Variants in LIN54 observed in about 807,000 individuals in gnomAD.
LIN54 encodes the protein lin-54 DREAM MuvB core complex component, also known as protein lin-54 homolog.
LIN54 carries 9 observed loss-of-function variants against 78.7 expected under a neutral mutation model. That is an observed-to-expected ratio of 0.11 (90% CI 0.07 to 0.20). The LOEUF (loss-of-function observed/expected upper bound fraction) is 0.20. Among genes scored for constraint, LIN54 ranks in the 10% least tolerant of loss-of-function variants. LIN54 has a pLI of 1.00. For synonymous variants in LIN54, 269 were observed against 318.4 expected, an observed-to-expected ratio of 0.84 and a Z score of 1.65; for missense variants, 573 against 889.9, an observed-to-expected ratio of 0.64 and a Z score of 4.53.
intron 4 of LIN54, among the ~76,000 whole-genome samples, chr4:82,949,140 C>T (rs2126047961): frequency 6.6e-6 from 1 of 152,256 alleles, no homozygotes. Flanking sequence ...AATCAATATA[C>T]AAGGGTTCCG....
rs148969699 is a variant in LIN54 at position 82,988,067 on chromosome 4, G to A, written c.-32-3191C>T. On this transcript the variant is annotated intron_variant, in intron 1 of 12. Transcript: ENST00000340417. ...ATTGTTTCCTGACTTTTTAATAATC[G>A]CCACTCTGACTGGCATGAGATGGTA... is the stretch of plus-strand genomic sequence containing the variant. 7.4e-3 allele frequency among the ~76,000 whole-genome samples: 1,123 copies of A among 151,986 alleles called. 14 individuals are homozygous for A. Among genetic ancestry groups the A allele is most frequent in the African/African-American group, 0.026 (1,066 of 41,428 alleles).
At chr4:82,992,589 G>A (rs1232978008) in intron 1 of LIN54, among the ~76,000 whole-genome samples, 1 of 152,176 alleles carries the variant, frequency 6.6e-6, no homozygotes, top group Non-Finnish European at 1.5e-5. Flanking sequence ...CTTGGAGGCT[G>A]TAGCAAGCAA....
At chr4:82,985,375 C>T (rs1297832339) in intron 1 of LIN54, among the ~76,000 whole-genome samples, 1 of 152,182 alleles carries the variant, frequency 6.6e-6, no homozygotes, top group Non-Finnish European at 1.5e-5. Context: ...TTTAAAAATC[C>T]ATTAAATACC....
chr4:82,976,453 T>C (rs1726168955), intron 3 of LIN54, among the ~76,000 whole-genome samples: 1 of 151,588 alleles, frequency 6.6e-6, no homozygotes, highest in Non-Finnish European at 1.5e-5. Flanking sequence ...CTCATGCCTG[T>C]AGTCCCAGCA....
intron 4 of LIN54, among the ~76,000 whole-genome samples, chr4:82,950,392 G>A (rs1171137623): frequency 6.6e-6 from 1 of 152,136 alleles, no homozygotes; most frequent in East Asian, 1.9e-4. Context: ...AAAAAACTAA[G>A]TAACATATAA....
intron 4 of LIN54, among the ~76,000 whole-genome samples, chr4:82,953,357 T>A (rs1724002044): frequency 6.6e-6 from 1 of 152,168 alleles, no homozygotes; most frequent in African/African-American, 2.4e-5. Context: ...GTTCTGGAGA[T>A]GGATGGTTGT....
At chr4:82,955,396 T>TAACATAACATAACAC (rs1553950460) in intron 4 of LIN54, among the ~76,000 whole-genome samples, 44 of 151,142 alleles carry the variant, frequency 2.9e-4, no homozygotes, top group African/African-American at 8.3e-4. Context: ...TAACATAACA[T>TAACATAACATAACAC]AACATAACAT....
At chr4:82,944,227 T>C (rs1723173342) in intron 5 of LIN54, among the ~76,000 whole-genome samples, 1 of 152,196 alleles carries the variant, frequency 6.6e-6, no homozygotes. Context: ...ATCTTCCTTA[T>C]ACTAAAGGCA....
Position 82,939,928 on chromosome 4 carries a change from C to A in LIN54, c.1203G>T (p.Arg401=), listed in dbSNP as rs775262002. Residue 401 remains arginine (R), a synonymous_variant, in exon 6 of 13, where the codon CGG becomes CGT. Coordinates refer to ENST00000340417, the MANE Select transcript of LIN54 (RefSeq NM_194282.4). ...GAGCTGAGACAATTGGAACTGACAT[C>A]CGCACTGGGGTTGTATTAACAACCA... ...KPVVVNTTPV[R]MSVPIVSAQA... is the part of the protein sequence containing the mutation. 3 of 1,611,864 alleles carry A rather than the reference C, an allele frequency of 1.9e-6. No homozygotes were observed. Among genetic ancestry groups the A allele is most frequent in the Non-Finnish European group, 2.5e-6 (3 of 1,179,430 alleles).
chr4:82,967,413 T>G (rs1398132397), intron 4 of LIN54, among the ~76,000 whole-genome samples: 1 of 152,114 alleles, frequency 6.6e-6, no homozygotes, highest in Non-Finnish European at 1.5e-5. Flanking sequence ...AGAAGATGGC[T>G]GCAGCTGTCA....
chr4:83,010,553 C>G lies in LIN54; in HGVS notation c.-102G>C. 2 of 1,210,642 alleles carry G rather than the reference C, an allele frequency of 1.7e-6. No individual in the cohort carries two copies. The highest frequency in any genetic ancestry group is 2.1e-6 in the Non-Finnish European group (2 of 974,858). 75.0% of individuals were successfully genotyped at this position (1,210,642 alleles called of 1,614,324 possible). ...GGCTCCAGAAGGTCCTGGGCAATCC[C>G]GAGCCCCGGCGGGGCTTGTTTTGCC... On this transcript the variant is annotated 5_prime_UTR_variant, in exon 1 of 13. Transcript: ENST00000340417.
chr4:83,000,827 C>CTTTCTTTCTTTTTT (rs1728694714), intron 1 of LIN54, among the ~76,000 whole-genome samples: 1 of 120,540 alleles, frequency 8.3e-6, no homozygotes, highest in Non-Finnish European at 1.6e-5. Flanking sequence ...GCAATAAATT[C>CTTTCTTTCTTTTTT]TTTTTTTTTT....
intron 3 of LIN54, among the ~76,000 whole-genome samples, chr4:82,978,420 T>G (rs557758065): frequency 6.6e-6 from 1 of 152,290 alleles, no homozygotes; most frequent in East Asian, 1.9e-4. Flanking sequence ...TAATTTAAAT[T>G]TATTAAAGTT....
At chr4:82,991,507 A>G (rs1325163279) in intron 1 of LIN54, among the ~76,000 whole-genome samples, 1 of 152,124 alleles carries the variant, frequency 6.6e-6, no homozygotes, top group Non-Finnish European at 1.5e-5. Context: ...TCCAATCTAC[A>G]TGTTTTATAT....
rs200706140 is a variant in LIN54, at chr4:82,928,225, G to T, written c.2127C>A (p.Asp709Glu). 42 of 1,614,070 alleles carry T rather than the reference G, an allele frequency of 2.6e-5. No homozygotes were observed. Among genetic ancestry groups the T allele is most frequent in the Non-Finnish European group, 3.5e-5 (41 of 1,180,018 alleles). ...CTGCTGCCTTTGATTTTCCCTTCTT[G>T]TCTGCCTGCTCTGCCTGGGCAAGGA... Reference protein sequence around the residue: ...NCLLAQAEQADKKGKSKAAAE... With the variant: ...NCLLAQAEQAEKKGKSKAAAE... Residue 709 changes from aspartate to glutamate, a missense_variant, in exon 13 of 13, where the codon GAC (aspartate) becomes GAA (glutamate). Physicochemically the swap from Asp to Glu is conservative, Grantham distance 45. Around this residue, in one of 6 missense-constraint regions of LIN54, gnomAD observed 82 missense variants for 140.8 expected, o/e 0.58. Coordinates refer to ENST00000340417, the MANE Select transcript of LIN54 (RefSeq NM_194282.4).
At chr4:82,970,555 C>A in intron 3 of LIN54, 86 bp from the exon 4 acceptor site, 2 of 1,194,886 alleles carry the variant, frequency 1.7e-6, no homozygotes, top group Non-Finnish European at 1.2e-6. Context: ...CTCACAAGGA[C>A]TGCAGAATGT....
At chr4:82,987,716 C>T (rs1476765111) in intron 1 of LIN54, among the ~76,000 whole-genome samples, 3 of 152,176 alleles carry the variant, frequency 2.0e-5, no homozygotes, top group Non-Finnish European at 4.4e-5. Context: ...GATCTCATTC[C>T]TTTTTATGGC....
At position 82,984,526 on chromosome 4, in the gene LIN54, G is replaced by T; in HGVS notation, c.319C>A (p.Pro107Thr). 1 of 1,614,160 alleles carries T rather than the reference G, an allele frequency of 6.2e-7. No homozygotes were observed. The highest frequency in any genetic ancestry group is 8.5e-7 in the Non-Finnish European group (1 of 1,180,000). Residue 107 changes from proline (P) to threonine (T), a missense_variant, in exon 2 of 13, where the codon CCT becomes ACT. Pro to Thr is a conservative substitution (Grantham distance 38, BLOSUM62 -1). Transcript: ENST00000340417. ...SGLQKLGAQT[P>T]VTISANQIIL... The stretch of plus-strand genomic sequence containing the variant: ...ATCTGATTGGCTGATATAGTCACAG[G>T]AGTCTGAGCACCAAGTTTTTGAAGG...
intron 9 of LIN54, 150 bp downstream of exon 9, chr4:82,937,077 G>A: frequency 1.5e-6 from 1 of 675,620 alleles, no homozygotes; most frequent in Non-Finnish European, 2.7e-6. Context: ...TTTTTACACT[G>A]CCATATATGT....
Sources: allele counts gnomAD v4.1 joint callset (sites outside exome capture counted in the v4.1 genomes callset), GRCh38; gene constraint gnomAD v4.1.1; regional missense constraint gnomAD v4.1.1; transcripts MANE v1.5; gene names NCBI Gene and HGNC (gene_info 2026-07-23, HGNC 2026-07-21).